Variants in C6orf118 observed in about 807,000 individuals in gnomAD.
The protein encoded by C6orf118 is chromosome 6 open reading frame 118.
In C6orf118, 50 loss-of-function variants were observed where a neutral mutation model predicts 50.2. That is an observed-to-expected ratio of 1.00 (90% CI 0.79 to 1.26). C6orf118 has a LOEUF of 1.26. C6orf118 is among the 50% of genes most tolerant of loss of function. C6orf118 has a pLI of 0.00. For missense variants in C6orf118, 641 were observed against 578.7 expected (o/e 1.11, Z -1.10); for synonymous variants, 239 against 230.9 (o/e 1.03, Z -0.32).
intron 7 of C6orf118, among the ~76,000 whole-genome samples, chr6:165,283,562 G>A (rs974779321): frequency 3.9e-5 from 6 of 152,156 alleles, no homozygotes; most frequent in Admixed American, 2.6e-4. Context: ...ATACAAAAGC[G>A]TTTCTGTTGT....
At position 165,309,456 on chromosome 6, in the gene C6orf118, A is replaced by C. The variant is rs9459360; in HGVS notation, c.25+106T>G. On this transcript the variant is annotated intron_variant, in intron 1 of 8. Transcript: ENST00000230301. ...ACCCTGGAGCCGGCGTGCAGCCACC[A>C]GAAAAAGATTTTCACATTTCAAATC... 7.6e-3 allele frequency: 10,591 copies of C among 1,392,832 alleles called. 634 individuals carry two copies. The African/African-American group carries it at 0.13, about 17-fold the overall frequency. The allele number at this position is 1,392,832 out of a possible 1,614,324, so 86.3% of individuals were successfully genotyped here.
Position 165,297,977 on chromosome 6 carries a change from C to T in C6orf118, c.1061G>A (p.Arg354Lys). The T allele has an allele frequency of 6.2e-7, 1 of 1,613,872 alleles. No homozygotes were observed. Among genetic ancestry groups the T allele is most frequent in the African/African-American group, 1.3e-5 (1 of 75,072 alleles). ...ATCAGATCCGTCCCTCATGCCTCAC[C>T]TATCATTCTGCTCCAGGGCTGCTTT... Reference protein sequence around the residue: ...ATKAALEQNDRLRSELEMEVA... With the variant: ...ATKAALEQNDKLRSELEMEVA... Residue 354 changes from arginine (R) to lysine (K), a missense_variant and splice_region_variant, in exon 5 of 9, where the codon AGA becomes AAA. Physicochemically the swap from Arg to Lys is conservative, Grantham distance 26. Coordinates refer to ENST00000230301, the MANE Select transcript of C6orf118 (RefSeq NM_144980.4).
chr6:165,287,004 T>A (rs1779929594), intron 7 of C6orf118, among the ~76,000 whole-genome samples: 1 of 152,160 alleles, frequency 6.6e-6, no homozygotes, highest in African/African-American at 2.4e-5. Flanking sequence ...TGTTTGCATA[T>A]GACATGATTC....
chr6:165,299,370 GT>G lies in C6orf118; in HGVS notation c.936+72del, dbSNP rs532180158. 9.5e-4 allele frequency: 1,319 copies of G among 1,385,804 alleles called. 14 individuals carry two copies. The African/African-American group carries it at 0.017, about 18-fold the overall frequency. 85.8% of individuals were successfully genotyped at this position (1,385,804 alleles called of 1,614,324 possible). On this transcript the variant is annotated intron_variant, in intron 4 of 8. Transcript: ENST00000230301. ...CATGGGGCTTCTTGGATTCAGAAAG[GT>G]TTCCACTGCTCATGAAATATGAAGC...
intron 1 of C6orf118, among the ~76,000 whole-genome samples, chr6:165,307,568 A>AT (rs1562340250): frequency 2.1e-5 from 3 of 143,956 alleles, no homozygotes; most frequent in African/African-American, 8.2e-5. Flanking sequence ...AAAAAAAAAA[A>AT]ATTTTTTTTA....
At chr6:165,281,537 C>T in intron 8 of C6orf118, 103 bp downstream of exon 8, 1 of 1,425,362 alleles carries the variant, frequency 7.0e-7, no homozygotes, top group Non-Finnish European at 9.2e-7. Context: ...TTTCAGTAAC[C>T]TACAAAGAAT....
intron 7 of C6orf118, among the ~76,000 whole-genome samples, chr6:165,289,606 A>G (rs545147485): frequency 6.6e-6 from 1 of 152,246 alleles, no homozygotes; most frequent in South Asian, 2.1e-4. Context: ...GGAGTCTTCA[A>G]TGGCTATTAT....
chr6:165,295,638 AT>A (rs1237010067), intron 5 of C6orf118, among the ~76,000 whole-genome samples: 1 of 118,768 alleles, frequency 8.4e-6, no homozygotes, highest in Non-Finnish European at 1.7e-5. Flanking sequence ...CTATTTTATT[AT>A]TGATTTATTG....
At chr6:165,297,946 A>G (rs1365955617) in intron 5 of C6orf118, 31 bp downstream of exon 5, 1 of 1,612,734 alleles carries the variant, frequency 6.2e-7, no homozygotes, top group African/African-American at 1.3e-5. Flanking sequence ...AAGAATCTAA[A>G]CATAGATCAG....
intron 1 of C6orf118, among the ~76,000 whole-genome samples, chr6:165,305,148 G>C (rs1405427456): frequency 1.8e-5 from 1 of 55,620 alleles, no homozygotes; most frequent in Admixed American, 2.3e-4. Flanking sequence ...GAACAGAACA[G>C]AGCCCTCAGA....
chr6:165,300,582 C>A (rs1780490739), intron 2 of C6orf118, 96 bp from the exon 3 acceptor site: 3 of 1,246,352 alleles, frequency 2.4e-6, no homozygotes, highest in Admixed American at 2.2e-5. Flanking sequence ...GCTGCCATCA[C>A]CCTGGCGAGT....
intron 1 of C6orf118, among the ~76,000 whole-genome samples, chr6:165,306,760 C>G (rs1780752985): frequency 6.6e-6 from 1 of 152,130 alleles, no homozygotes; most frequent in Admixed American, 6.5e-5. Context: ...TCAATCAACA[C>G]AATCATTTTC....
chr6:165,307,563 A>AG (rs1780787517), intron 1 of C6orf118, among the ~76,000 whole-genome samples: 2 of 143,782 alleles, frequency 1.4e-5, no homozygotes, highest in African/African-American at 5.6e-5. Flanking sequence ...CTCAAAAAAA[A>AG]AAAAAATTTT....
chr6:165,302,490 G>A (rs1409631428), intron 1 of C6orf118, among the ~76,000 whole-genome samples, 194 bp from the exon 2 acceptor site: 1 of 152,138 alleles, frequency 6.6e-6, no homozygotes, highest in South Asian at 2.1e-4. Flanking sequence ...CAGATGAGAG[G>A]CGCCCAGGCC....
Position 165,299,321 on chromosome 6 carries a change from A to G in C6orf118, c.936+122T>C. ...ACTCATCTATAACAAAGAACATATC[A>G]GCTATTCTAAATTATGGGGCACACA... is the stretch of plus-strand genomic sequence containing the variant. On this transcript the variant is annotated intron_variant, in intron 4 of 8. Transcript: ENST00000230301. 4.0e-6 allele frequency: 3 copies of G among 741,336 alleles called. No homozygotes were observed. In the South Asian group the frequency reaches 5.5e-5, roughly 14 times the overall value. The allele number at this position is 741,336 out of a possible 1,614,324, so 45.9% of individuals were successfully genotyped here. A position where few individuals can be genotyped will look rare whatever the true frequency, so the allele number is the denominator to read the frequency against.
intron 2 of C6orf118, among the ~76,000 whole-genome samples, chr6:165,300,754 G>T (rs1393770992): frequency 6.6e-6 from 1 of 151,754 alleles, no homozygotes; most frequent in African/African-American, 2.4e-5. Context: ...TTCACTCTCC[G>T]CCTCCACAGT....
intron 7 of C6orf118, among the ~76,000 whole-genome samples, chr6:165,284,149 C>T (rs188353543): frequency 1.6e-4 from 25 of 152,128 alleles, no homozygotes; most frequent in African/African-American, 4.8e-4. Flanking sequence ...CTGATGGAGT[C>T]GAAAAACACA....
At chr6:165,292,312 T>G (rs2128159493) in intron 6 of C6orf118, among the ~76,000 whole-genome samples, 1 of 152,184 alleles carries the variant, frequency 6.6e-6, no homozygotes, top group African/African-American at 2.4e-5. Flanking sequence ...GATAGAAAGC[T>G]TTGGGAAAAT....
chr6:165,301,636 T>C lies in C6orf118; in HGVS notation c.686A>G (p.Gln229Arg). 6.2e-7 allele frequency: 1 copy of C among 1,614,152 alleles called. No individual in the cohort carries two copies. Among genetic ancestry groups the C allele is most frequent in the Non-Finnish European group, 8.5e-7 (1 of 1,180,026 alleles). Residue 229 changes from glutamine (Q) to arginine (R), a missense_variant, in exon 2 of 9, where the codon CAA becomes CGA. Physicochemically the swap from Gln to Arg is conservative, Grantham distance 43. Transcript: ENST00000230301. The stretch of plus-strand genomic sequence containing the variant: ...AGTGAAGTCATTCTTCAGGAGATCT[T>C]GCTTGGCGAGCACTTCCTTCTGGAA... ...LRFQKEVLAK[Q>R]DLLKNDFTGS...
Sources: gnomAD v4.1 joint callset for allele counts (sites outside exome capture counted in the v4.1 genomes callset) on GRCh38, gnomAD v4.1.1 for gene constraint, MANE v1.5 for transcripts, NCBI Gene and HGNC (gene_info 2026-07-23, HGNC 2026-07-21) for gene names.